CFAP92: variants seen among roughly 807,000 people sequenced by gnomAD.
CFAP92 encodes uncharacterized protein CFAP92.
Under a neutral mutation model 106.3 loss-of-function variants are expected in CFAP92, and 86 were observed. That is an observed-to-expected ratio of 0.81 (90% CI 0.68 to 0.97). The LOEUF (loss-of-function observed/expected upper bound fraction) is 0.97, where lower values mean the gene tolerates loss of function less well. Among genes scored for constraint, CFAP92 ranks in the 50% least tolerant of loss-of-function variants. CFAP92 has a pLI of 0.00. For synonymous variants in CFAP92, 477 were observed against 506.4 expected (o/e 0.94, Z 0.78); for missense variants, 1,204 against 1,283.8 (o/e 0.94, Z 0.95).
At chr3:128,950,948 A>G (rs1184289618) in intron 9 of CFAP92, among the ~76,000 whole-genome samples, 1 of 152,226 alleles carries the variant, frequency 6.6e-6, no homozygotes, top group Non-Finnish European at 1.5e-5. Flanking sequence ...GCAAGTTCCC[A>G]TATACCAGCC....
upstream of CFAP92, among the ~76,000 whole-genome samples, chr3:129,007,677 C>A (rs1188093858): frequency 1.3e-5 from 2 of 152,186 alleles, no homozygotes; most frequent in Non-Finnish European, 2.9e-5. Flanking sequence ...TTACTAAAGT[C>A]ACATACCCAA....
chr3:128,990,634 G>A lies in CFAP92; in HGVS notation c.263-1716C>T, dbSNP rs146826193. The stretch of plus-strand genomic sequence containing the variant: ...TTATAGGTCGGGCGTGGTGGTTCAC[G>A]TCTGTAATTCCAGCGTTTTGGAAAG... On this transcript the variant is annotated intron_variant, in intron 2 of 15. Coordinates refer to ENST00000645291, the MANE Select transcript of CFAP92 (RefSeq NM_001394090.1). Among the ~76,000 whole-genome samples, 498 of 152,282 alleles carry A rather than the reference G, an allele frequency of 3.3e-3. 5 individuals are homozygous for A. In the Middle Eastern group the frequency reaches 0.037, roughly 11 times the overall value.
chr3:128,926,248 CCTGTA>C (rs1937635526), intron 12 of CFAP92, among the ~76,000 whole-genome samples: 3 of 53,946 alleles, frequency 5.6e-5, no homozygotes, highest in East Asian at 1.5e-3. Context: ...GTGGCTCACG[CCTGTA>C]GCCTGTAATC....
intron 9 of CFAP92, among the ~76,000 whole-genome samples, chr3:128,957,334 G>T (rs1466067669): frequency 6.6e-6 from 1 of 151,716 alleles, no homozygotes; most frequent in African/African-American, 2.4e-5. Context: ...AATCTATGTA[G>T]AGGAAATATT....
chr3:128,961,426 C>A (rs923089385), intron 9 of CFAP92, among the ~76,000 whole-genome samples: 2 of 152,112 alleles, frequency 1.3e-5, no homozygotes, highest in Non-Finnish European at 2.9e-5. Flanking sequence ...GGTCCCAATT[C>A]TTCCTCAGCC....
upstream of CFAP92, among the ~76,000 whole-genome samples, chr3:128,995,726 A>G (rs1348108348): frequency 6.6e-6 from 1 of 152,244 alleles, no homozygotes; most frequent in Non-Finnish European, 1.5e-5. Context: ...CCAAGGGCCA[A>G]TGTGCCATCC....
intron 2 of CFAP92, among the ~76,000 whole-genome samples, chr3:128,990,923 T>C (rs7648687): frequency 6.6e-6 from 1 of 151,872 alleles, no homozygotes; most frequent in Non-Finnish European, 1.5e-5. Context: ...ATAATTTATA[T>C]AAAGAAACAT....
At chr3:128,994,416 C>A (rs1944402925), upstream of CFAP92, among the ~76,000 whole-genome samples, 1 of 152,140 alleles carries the variant, frequency 6.6e-6, no homozygotes, top group Non-Finnish European at 1.5e-5. Flanking sequence ...TTAATAAAAG[C>A]AAAGGAAGCT....
chr3:128,976,919 A>G (rs1943193414), intron 6 of CFAP92, 60 bp downstream of exon 6: 2 of 1,304,662 alleles, frequency 1.5e-6, no homozygotes, highest in Non-Finnish European at 2.2e-6. Flanking sequence ...CACGACTCAT[A>G]GTAGGGCTAG....
chr3:128,927,043 G>A (rs1289013181), intron 12 of CFAP92, among the ~76,000 whole-genome samples: 2 of 152,012 alleles, frequency 1.3e-5, no homozygotes, highest in South Asian at 2.1e-4. Flanking sequence ...GCAGTGAGCC[G>A]AGATTGCACC....
intron 9 of CFAP92, among the ~76,000 whole-genome samples, chr3:128,963,803 TTC>T (rs1401549931): frequency 2.1e-4 from 31 of 149,924 alleles, no homozygotes; most frequent in Admixed American, 1.1e-3. Context: ...AGGAAATAAC[TTC>T]TCAGTGTTCC....
In CFAP92 at chr3:128,989,151, G is replaced by A. The variant is rs142197961; in HGVS notation, c.263-233C>T. Among the ~76,000 whole-genome samples, 99 of 152,244 alleles carry A rather than the reference G, an allele frequency of 6.5e-4. 1 individual carries two copies. Among genetic ancestry groups the A allele is most frequent in the African/African-American group, 2.3e-3 (95 of 41,528 alleles). On this transcript the variant is annotated intron_variant, in intron 2 of 15. Coordinates refer to ENST00000645291, the MANE Select transcript of CFAP92 (RefSeq NM_001394090.1). ...GGTTTTCAGAGTGAGTGTCTCAGTT[G>A]GAGAGTGAGTGTTGGTTAGTAGGCC...
chr3:129,016,931 T>A, the CFAP92 span, among the ~76,000 whole-genome samples: 1 of 152,128 alleles, frequency 6.6e-6, no homozygotes, highest in Non-Finnish European at 1.5e-5. Flanking sequence ...ACAAGGACAT[T>A]TATTATCTCA....
intron 4 of CFAP92, 25 bp from the exon 5 acceptor site, chr3:128,978,210 C>G (rs774398813): frequency 6.2e-7 from 1 of 1,604,384 alleles, no homozygotes; most frequent in South Asian, 1.1e-5. Flanking sequence ...AAGAAAGGAT[C>G]ATTGACTCAA....
intron 2 of CFAP92, among the ~76,000 whole-genome samples, chr3:128,990,721 C>T (rs1172795746): frequency 2.0e-5 from 3 of 151,726 alleles, no homozygotes; most frequent in Admixed American, 6.6e-5. Context: ...TATGGTGAAA[C>T]CCCATCTCTA....
intron 10 of CFAP92, 67 bp downstream of exon 10, chr3:128,945,004 G>C: frequency 7.4e-7 from 1 of 1,359,372 alleles, no homozygotes; most frequent in Non-Finnish European, 9.8e-7. Context: ...GGCTCTGAAA[G>C]ACCTCTCCAC....
intron 8 of CFAP92, chr3:128,966,944 C>A (rs1046595384): frequency 6.6e-6 from 1 of 151,974 alleles, no homozygotes; most frequent in African/African-American, 2.4e-5. Context: ...AAAAACAAAA[C>A]AAATAAACAA....
chr3:129,002,305 C>G (rs1389695809), intron 1 of CFAP92: 4 of 1,525,634 alleles, frequency 2.6e-6, no homozygotes, highest in African/African-American at 1.4e-5. Flanking sequence ...AGCAGTGATG[C>G]GCGCTGCCTA....
intron 7 of CFAP92, among the ~76,000 whole-genome samples, chr3:128,974,921 C>T (rs931969976): frequency 2.0e-5 from 3 of 151,430 alleles, no homozygotes; most frequent in Non-Finnish European, 2.9e-5. Context: ...GAGATCGAGA[C>T]GATCCTGGCT....
Sources: gnomAD v4.1 joint callset for allele counts (sites outside exome capture counted in the v4.1 genomes callset) on GRCh38, gnomAD v4.1.1 for gene constraint, MANE v1.5 for transcripts, NCBI Gene and HGNC (gene_info 2026-07-23, HGNC 2026-07-21) for gene names.